Variants in GRID2 observed in about 807,000 individuals in gnomAD.
GRID2 encodes the protein glutamate ionotropic receptor delta type subunit 2, also known as glutamate receptor ionotropic, delta-2.
GRID2 carries 33 observed loss-of-function variants against 114.8 expected under a neutral mutation model. That is an observed-to-expected ratio of 0.29 (90% CI 0.22 to 0.38). The LOEUF (loss-of-function observed/expected upper bound fraction) is 0.38, where lower values mean the gene tolerates loss of function less well. Among genes scored for constraint, GRID2 ranks in the 10% least tolerant of loss-of-function variants. GRID2 has a pLI of 1.00. For missense variants in GRID2, 1,184 were observed against 1,257.7 expected, an observed-to-expected ratio of 0.94 and a Z score of 0.89; for synonymous variants, 505 against 449.9, an observed-to-expected ratio of 1.12 and a Z score of -1.55.
intron 2 of GRID2, among the ~76,000 whole-genome samples, chr4:92,732,153 T>A (rs1579933245): frequency 6.6e-6 from 1 of 152,034 alleles, no homozygotes; most frequent in Non-Finnish European, 1.5e-5. Context: ...ATCCCATTCA[T>A]TTAAATTTTG....
chr4:93,229,360 T>C lies in GRID2; in HGVS notation c.1125+4585T>C, dbSNP rs77257086. On this transcript the variant is annotated intron_variant, in intron 7 of 15. Coordinates refer to ENST00000282020, the MANE Select transcript of GRID2 (RefSeq NM_001510.4). ...AGAGGGAGTGGCCTGGGCCTTTTTG[T>C]TGACTAGGGGTTAGGGCTGGCAAAA... 4.1e-3 allele frequency among the ~76,000 whole-genome samples: 618 copies of C among 152,240 alleles called. 5 individuals carry two copies. The highest frequency in any genetic ancestry group is 0.014 in the African/African-American group (575 of 41,554).
At chr4:92,796,105 A>C (rs893185859) in intron 2 of GRID2, among the ~76,000 whole-genome samples, 5 of 151,934 alleles carry the variant, frequency 3.3e-5, no homozygotes, top group Admixed American at 6.6e-5. Flanking sequence ...CCCGACTTCC[A>C]TGATGTTCTC....
chr4:92,869,798 G>A (rs1745142691), intron 2 of GRID2, among the ~76,000 whole-genome samples: 1 of 152,140 alleles, frequency 6.6e-6, no homozygotes, highest in African/African-American at 2.4e-5. Context: ...GAGCATGGTT[G>A]TGTCTTTCTC....
chr4:92,490,606 A>C (rs7686115), intron 1 of GRID2, among the ~76,000 whole-genome samples: 1 of 152,180 alleles, frequency 6.6e-6, no homozygotes. Flanking sequence ...ATATTGAAGA[A>C]GTAGTGTGGA....
At chr4:93,615,000 T>C (rs1227051964) in intron 13 of GRID2, among the ~76,000 whole-genome samples, 2 of 152,216 alleles carry the variant, frequency 1.3e-5, no homozygotes, top group African/African-American at 4.8e-5. Context: ...GAACTGAATA[T>C]AGTCAAACAT....
chr4:93,266,496 A>G (rs1750846674), intron 8 of GRID2, among the ~76,000 whole-genome samples: 1 of 152,040 alleles, frequency 6.6e-6, no homozygotes, highest in African/African-American at 2.4e-5. Flanking sequence ...ACACAGCCCA[A>G]AAGGTTGAGT....
At chr4:92,879,364 A>C (rs927687544) in intron 2 of GRID2, among the ~76,000 whole-genome samples, 7 of 152,196 alleles carry the variant, frequency 4.6e-5, no homozygotes, top group Non-Finnish European at 1.0e-4. Flanking sequence ...CAGACTGAGA[A>C]AGGAAAAAAT....
At chr4:93,704,602 T>C (rs555605699) in intron 14 of GRID2, among the ~76,000 whole-genome samples, 139 of 152,300 alleles carry the variant, frequency 9.1e-4, no homozygotes, top group African/African-American at 3.2e-3. Flanking sequence ...ACTTCCCTTC[T>C]TCCCACCACT....
At chr4:92,942,972 A>G (rs567971233) in intron 2 of GRID2, among the ~76,000 whole-genome samples, 1 of 152,260 alleles carries the variant, frequency 6.6e-6, no homozygotes, top group East Asian at 1.9e-4. Context: ...GTTGTGGGTA[A>G]CCCGACCTTT....
intron 2 of GRID2, among the ~76,000 whole-genome samples, chr4:92,719,530 A>G (rs1368781991): frequency 1.3e-5 from 2 of 152,198 alleles, no homozygotes; most frequent in Non-Finnish European, 2.9e-5. Context: ...ATTGCTTAAT[A>G]GCAACTATTT....
At chr4:92,965,466 A>AAAAAAAAAC (rs1753087254) in intron 2 of GRID2, among the ~76,000 whole-genome samples, 1 of 39,790 alleles carries the variant, frequency 2.5e-5, no homozygotes, top group Non-Finnish European at 5.3e-5. Context: ...AAAAAAAAAA[A>AAAAAAAAAC]AAAAAAAAAA....
At chr4:93,264,216 A>G (rs954961841) in intron 8 of GRID2, among the ~76,000 whole-genome samples, 2 of 152,302 alleles carry the variant, frequency 1.3e-5, no homozygotes, top group African/African-American at 2.4e-5. Flanking sequence ...ACCACATACA[A>G]TATTGAAAGC....
chr4:93,507,610 C>T (rs1728755944), intron 12 of GRID2, among the ~76,000 whole-genome samples: 1 of 152,164 alleles, frequency 6.6e-6, no homozygotes, highest in African/African-American at 2.4e-5. Flanking sequence ...ATTTTCTTCA[C>T]CATTTCAGTT....
intron 2 of GRID2, among the ~76,000 whole-genome samples, chr4:92,654,781 C>T (rs534902303): frequency 6.2e-4 from 94 of 151,900 alleles, no homozygotes; most frequent in African/African-American, 2.2e-3. Context: ...TGTTTGAACT[C>T]CTTATATTCT....
At chr4:93,530,822 A>C (rs958012899) in intron 13 of GRID2, among the ~76,000 whole-genome samples, 2 of 152,160 alleles carry the variant, frequency 1.3e-5, no homozygotes, top group African/African-American at 4.8e-5. Context: ...AACAGAAATC[A>C]ATATCAGATT....
chr4:93,645,877 A>G (rs1043414677), intron 14 of GRID2, among the ~76,000 whole-genome samples: 1 of 152,156 alleles, frequency 6.6e-6, no homozygotes, highest in Admixed American at 6.5e-5. Context: ...TCTATCTTAC[A>G]CTTCCTTTTT....
intron 4 of GRID2, among the ~76,000 whole-genome samples, chr4:93,168,746 C>T (rs995722492): frequency 6.6e-6 from 1 of 151,678 alleles, no homozygotes; most frequent in Non-Finnish European, 1.5e-5. Context: ...TTTAAGGAAT[C>T]AAATTTTATA....
chr4:92,779,477 A>T (rs1237027923), intron 2 of GRID2, among the ~76,000 whole-genome samples: 1 of 152,152 alleles, frequency 6.6e-6, no homozygotes, highest in Non-Finnish European at 1.5e-5. Flanking sequence ...GCTTAAAGAC[A>T]GATGAGTTTA....
At chr4:93,435,568 T>G (rs1721003800) in intron 10 of GRID2, among the ~76,000 whole-genome samples, 1 of 152,182 alleles carries the variant, frequency 6.6e-6, no homozygotes, top group Non-Finnish European at 1.5e-5. Context: ...ACTACTATTT[T>G]AGAAATCAGT....
Sources: allele counts gnomAD v4.1 joint callset (sites outside exome capture counted in the v4.1 genomes callset), GRCh38; gene constraint gnomAD v4.1.1; transcripts MANE v1.5; gene names NCBI Gene and HGNC (gene_info 2026-07-23, HGNC 2026-07-21).